Variants in MEOX2 observed in about 807,000 individuals in gnomAD.
MEOX2 encodes the protein homeobox protein MOX-2.
In MEOX2, 11 loss-of-function variants were observed where a neutral mutation model predicts 27.0. The observed-to-expected ratio is 0.41, with a 90% confidence interval of 0.26 to 0.68. The LOEUF (loss-of-function observed/expected upper bound fraction) is 0.68. Among genes scored for constraint, MEOX2 ranks in the 30% least tolerant of loss-of-function variants. The probability of loss-of-function intolerance (pLI) is 0.33; values close to 1 mark genes in which losing one functional copy is unlikely to be tolerated. For synonymous variants in MEOX2, 189 were observed against 155.4 expected, an observed-to-expected ratio of 1.22 and a Z score of -1.61; for missense variants, 436 against 385.4, an observed-to-expected ratio of 1.13 and a Z score of -1.10.
chr7:15,620,258 A>G (rs1426719924), intron 2 of MEOX2, among the ~76,000 whole-genome samples: 2 of 152,208 alleles, frequency 1.3e-5, no homozygotes, highest in Non-Finnish European at 2.9e-5. Context: ...ACTGCTGTAA[A>G]GAAATAAAGA....
intron 1 of MEOX2, among the ~76,000 whole-genome samples, chr7:15,648,781 G>A (rs917832062): frequency 6.6e-6 from 1 of 151,960 alleles, no homozygotes; most frequent in African/African-American, 2.4e-5. Context: ...CTGAATCAAG[G>A]GTTCTTTGTT....
At chr7:15,622,832 A>G (rs991648587) in intron 2 of MEOX2, among the ~76,000 whole-genome samples, 1 of 152,158 alleles carries the variant, frequency 6.6e-6, no homozygotes, top group Non-Finnish European at 1.5e-5. Flanking sequence ...GGGCCCTTGG[A>G]ATGAGATTAG....
chr7:15,655,116 G>A (rs1002053128), intron 1 of MEOX2, among the ~76,000 whole-genome samples: 2 of 151,420 alleles, frequency 1.3e-5, no homozygotes, highest in Non-Finnish European at 1.5e-5. Flanking sequence ...ACTAGTTTGT[G>A]CTTTTTAAAA....
At chr7:15,678,165 G>C (rs1383616124) in intron 1 of MEOX2, among the ~76,000 whole-genome samples, 3 of 152,086 alleles carry the variant, frequency 2.0e-5, no homozygotes, top group Admixed American at 6.6e-5. Flanking sequence ...ATCCAGATCT[G>C]TTTATACTTC....
chr7:15,645,556 A>G (rs1781628767), intron 1 of MEOX2, among the ~76,000 whole-genome samples: 1 of 152,200 alleles, frequency 6.6e-6, no homozygotes, highest in Admixed American at 6.5e-5. Context: ...AAATATTTCT[A>G]CATTGAAATT....
intron 1 of MEOX2, among the ~76,000 whole-genome samples, chr7:15,639,717 C>T (rs1283766935): frequency 2.6e-5 from 4 of 151,900 alleles, no homozygotes; most frequent in African/African-American, 2.4e-5. Context: ...TTATTAAAAA[C>T]GGTGTCTTTT....
chr7:15,626,923 A>G lies in MEOX2; in HGVS notation c.518-5T>C. 6.2e-7 allele frequency: 1 copy of G among 1,611,696 alleles called. No individual in the cohort carries two copies. Among genetic ancestry groups the G allele is most frequent in the Non-Finnish European group, 8.5e-7 (1 of 1,178,770 alleles). On this transcript the variant is annotated splice_polypyrimidine_tract_variant and splice_region_variant and intron_variant, in intron 1 of 2. Transcript: ENST00000262041. ...TGTAATTTCCTTCCTGGGAGTCTGA[A>G]AAAAAAGGGAGACAGAATTGGTAAT...
intron 1 of MEOX2, among the ~76,000 whole-genome samples, chr7:15,645,745 T>C (rs931489919): frequency 6.6e-6 from 1 of 152,112 alleles, no homozygotes; most frequent in African/African-American, 2.4e-5. Context: ...GAAAGTAAAA[T>C]ATGCAGAGTG....
At chr7:15,617,721 C>T (rs1001211277) in intron 2 of MEOX2, among the ~76,000 whole-genome samples, 18 of 151,978 alleles carry the variant, frequency 1.2e-4, no homozygotes, top group African/African-American at 4.3e-4. Flanking sequence ...AGGCTTAAGT[C>T]CTGTTTACAG....
chr7:15,672,626 C>T (rs1782118852), intron 1 of MEOX2, among the ~76,000 whole-genome samples: 1 of 152,042 alleles, frequency 6.6e-6, no homozygotes, highest in Non-Finnish European at 1.5e-5. Context: ...GTCGCGGTGG[C>T]TCACACCCAT....
intron 1 of MEOX2, among the ~76,000 whole-genome samples, chr7:15,636,272 T>C (rs1781477430): frequency 6.6e-6 from 1 of 151,988 alleles, no homozygotes; most frequent in African/African-American, 2.4e-5. Flanking sequence ...AAAAAATCCC[T>C]TAGATATTTT....
chr7:15,651,090 T>C (rs1480290837), intron 1 of MEOX2, among the ~76,000 whole-genome samples: 7 of 151,998 alleles, frequency 4.6e-5, no homozygotes, highest in Non-Finnish European at 1.0e-4. Flanking sequence ...CCTGTGAAAG[T>C]CCTCGATTTT....
intron 1 of MEOX2, among the ~76,000 whole-genome samples, chr7:15,685,364 A>C (rs974878283): frequency 6.6e-6 from 1 of 152,174 alleles, no homozygotes; most frequent in Admixed American, 6.5e-5. Flanking sequence ...AAAAAAAAAA[A>C]ACTGAAACTT....
intron 1 of MEOX2, among the ~76,000 whole-genome samples, chr7:15,647,501 T>C (rs1172741160): frequency 6.6e-6 from 1 of 152,126 alleles, no homozygotes; most frequent in African/African-American, 2.4e-5. Flanking sequence ...TCTTCTCATA[T>C]TACAGTATTT....
intron 1 of MEOX2, among the ~76,000 whole-genome samples, chr7:15,652,180 C>A (rs1781741568): frequency 6.6e-6 from 1 of 151,988 alleles, no homozygotes; most frequent in Non-Finnish European, 1.5e-5. Context: ...TTTTCAAATG[C>A]AGTAACATGC....
rs958303606 is a variant in MEOX2, at chr7:15,621,453, A to G, written c.690+5293T>C. On this transcript the variant is annotated intron_variant, in intron 2 of 2. Transcript: ENST00000262041. ...TCAAACAGAATTATAGACTACCCTG[A>G]CATTGCATTATGGAAGATGCAAATG... is the stretch of plus-strand genomic sequence containing the variant. Among the ~76,000 whole-genome samples the G allele has an allele frequency of 8.5e-5, 13 of 152,144 alleles. 1 individual carries two copies. The highest frequency in any genetic ancestry group is 7.9e-4 in the Admixed American group (12 of 15,284).
chr7:15,659,001 C>T (rs1781867246), intron 1 of MEOX2, among the ~76,000 whole-genome samples: 1 of 151,982 alleles, frequency 6.6e-6, no homozygotes, highest in African/African-American at 2.4e-5. Flanking sequence ...TCCAATGAGC[C>T]AGTACTTTCT....
intron 2 of MEOX2, among the ~76,000 whole-genome samples, chr7:15,620,586 C>T (rs1201537447): frequency 6.6e-6 from 1 of 150,972 alleles, no homozygotes; most frequent in Non-Finnish European, 1.5e-5. Context: ...AAAAGCAAAA[C>T]AAAAAAAACA....
intron 1 of MEOX2, among the ~76,000 whole-genome samples, chr7:15,664,658 C>T (rs1781970467): frequency 6.6e-6 from 1 of 152,102 alleles, no homozygotes; most frequent in South Asian, 2.1e-4. Flanking sequence ...GGGACACAAC[C>T]CTCCAGCTAT....
Sources: allele counts gnomAD v4.1 joint callset (sites outside exome capture counted in the v4.1 genomes callset), GRCh38; gene constraint gnomAD v4.1.1; transcripts MANE v1.5; gene names NCBI Gene and HGNC (gene_info 2026-07-23, HGNC 2026-07-21).